COL14A1: variants seen among roughly 807,000 people sequenced by gnomAD.
COL14A1 encodes collagen type XIV alpha 1 chain.
COL14A1 carries 136 observed loss-of-function variants against 230.3 expected under a neutral mutation model. That is an observed-to-expected ratio of 0.59 (90% CI 0.51 to 0.68). The LOEUF (loss-of-function observed/expected upper bound fraction) is 0.68. Among genes scored for constraint, COL14A1 ranks in the 30% least tolerant of loss-of-function variants. The pLI is 0.00. For synonymous variants in COL14A1, 792 were observed against 784.1 expected (o/e 1.01, Z -0.17); for missense variants, 1,976 against 2,215.8 (o/e 0.89, Z 2.17).
At chr8:120,329,946 T>A (rs1821809788) in intron 40 of COL14A1, among the ~76,000 whole-genome samples, 1 of 152,048 alleles carries the variant, frequency 6.6e-6, no homozygotes, top group Non-Finnish European at 1.5e-5. Flanking sequence ...CTCCACACAG[T>A]CATTTAGGAA....
chr8:120,208,106 G>A (rs752356185), intron 10 of COL14A1, 126 bp from the exon 11 acceptor site: 16 of 895,464 alleles, frequency 1.8e-5, no homozygotes, highest in Non-Finnish European at 2.3e-5. Flanking sequence ...CAGTGGAAAG[G>A]GGGATGTGGC....
chr8:120,359,868 T>TTC lies in COL14A1; in HGVS notation c.5078-7288_5078-7287dup, dbSNP rs149854518. Among the ~76,000 whole-genome samples the TTC allele has an allele frequency of 5.3e-4, 80 of 151,514 alleles. 1 individual carries two copies. The Middle Eastern group carries it at 0.017, about 32-fold the overall frequency. On this transcript the variant is annotated intron_variant, in intron 45 of 47. Transcript: ENST00000297848. ...GCACTGATGAGCTTTGCACCTCATC[T>TTC]TCTCTCTCTCTCTCTCCGCCCTTCT... is the stretch of plus-strand genomic sequence containing the variant.
chr8:120,178,468 G>T (rs890442508), intron 5 of COL14A1, among the ~76,000 whole-genome samples: 19 of 152,082 alleles, frequency 1.2e-4, no homozygotes, highest in African/African-American at 4.3e-4. Flanking sequence ...TCTTTATCCA[G>T]TCAATCATTG....
rs553166929 is a variant in COL14A1 at position 120,262,855 on chromosome 8, G to A, written c.2870-13G>A. ...TATGTGTGTGTTTTTGTTTTGTTTT[G>A]TTTTTATTATAGATAGGCAAAAGCA... On this transcript the variant is annotated splice_polypyrimidine_tract_variant and intron_variant, in intron 23 of 47. Coordinates refer to ENST00000297848, the MANE Select transcript of COL14A1 (RefSeq NM_021110.4). 9 of 1,586,094 alleles carry A rather than the reference G, an allele frequency of 5.7e-6. No homozygotes were observed. In the African/African-American group the frequency reaches 1.1e-4, roughly 19 times the overall value.
chr8:120,220,399 G>A (rs866415780), intron 14 of COL14A1, among the ~76,000 whole-genome samples: 2 of 151,194 alleles, frequency 1.3e-5, no homozygotes, highest in Non-Finnish European at 2.9e-5. Context: ...TCAGCCACCC[G>A]AGTAGCTGGG....
intron 23 of COL14A1, among the ~76,000 whole-genome samples, chr8:120,258,724 A>G (rs1819238584): frequency 6.6e-6 from 1 of 152,182 alleles, no homozygotes; most frequent in Non-Finnish European, 1.5e-5. Flanking sequence ...CCATTTGCCA[A>G]ATTAAATGAT....
At chr8:120,243,832 T>TGGAC in intron 19 of COL14A1, 47 bp from the exon 20 acceptor site, 2 of 1,600,346 alleles carry the variant, frequency 1.2e-6, no homozygotes, top group Non-Finnish European at 1.7e-6. Context: ...ACCAAATCAG[T>TGGAC]GGAAACGGGT....
chr8:120,150,826 A>G (rs943179314), intron 2 of COL14A1, among the ~76,000 whole-genome samples: 3 of 152,106 alleles, frequency 2.0e-5, no homozygotes, highest in African/African-American at 4.8e-5. Context: ...GCAGGAGATT[A>G]TATTCGAATT....
At chr8:120,193,767 C>T (rs959475995) in intron 5 of COL14A1, among the ~76,000 whole-genome samples, 1 of 152,212 alleles carries the variant, frequency 6.6e-6, no homozygotes, top group Admixed American at 6.5e-5. Context: ...GTGCCCCTCC[C>T]CCAGCCTCGC....
chr8:120,279,820 C>A, intron 28 of COL14A1, 115 bp from the exon 29 acceptor site: 1 of 1,059,116 alleles, frequency 9.4e-7, no homozygotes, highest in South Asian at 1.8e-5. Flanking sequence ...AATTATCCAC[C>A]CCCATGGGCC....
chr8:120,184,144 A>G (rs939698648), intron 5 of COL14A1, among the ~76,000 whole-genome samples: 1 of 152,044 alleles, frequency 6.6e-6, no homozygotes, highest in African/African-American at 2.4e-5. Context: ...TTTCATAATT[A>G]TTAATATAAA....
Position 120,341,431 on chromosome 8 carries a change from G to A in COL14A1, c.4821+71G>A. ...CCTTCCATTGCATAAGCCTGATAAAGGATCATCATTTAATACCATTAATAT... is the reference window on the plus strand; with the variant it reads ...CCTTCCATTGCATAAGCCTGATAAAAGATCATCATTTAATACCATTAATAT... On this transcript the variant is annotated intron_variant, in intron 43 of 47. Transcript: ENST00000297848. The A allele has an allele frequency of 2.0e-6, 3 of 1,484,722 alleles. No homozygotes were observed. The South Asian group carries it at 3.5e-5, about 17-fold the overall frequency. 92.0% of individuals were successfully genotyped at this position (1,484,722 alleles called of 1,614,324 possible).
At chr8:120,224,237 G>A (rs953804565) in intron 14 of COL14A1, among the ~76,000 whole-genome samples, 2 of 151,890 alleles carry the variant, frequency 1.3e-5, no homozygotes, top group Non-Finnish European at 2.9e-5. Flanking sequence ...ATGTTGGCCA[G>A]GCTGGTCTTG....
intron 36 of COL14A1, among the ~76,000 whole-genome samples, chr8:120,305,612 A>G (rs1225009744): frequency 6.6e-6 from 1 of 152,162 alleles, no homozygotes. Context: ...TTCATAGTCT[A>G]GTCCATTCTG....
chr8:120,235,305 G>A (rs564710001), intron 19 of COL14A1, among the ~76,000 whole-genome samples: 1 of 152,178 alleles, frequency 6.6e-6, no homozygotes, highest in South Asian at 2.1e-4. Context: ...GAGTTGCTGG[G>A]ACTACAGGCA....
rs376624185 is a variant in COL14A1 at position 120,209,815 on chromosome 8, G to C, written c.1381G>C (p.Val461Leu). Residue 461 changes from valine to leucine, a missense_variant, in exon 12 of 48, where the codon GTC becomes CTC. Val to Leu is a conservative substitution (Grantham distance 32). Around this residue, in one of 3 missense-constraint regions of COL14A1, gnomAD observed 1,791 missense variants for 2,019.5 expected, o/e 0.89. Transcript: ENST00000297848. ...LYDVTENSMR[V>L]KWDAVPGASG... ...CGACGTGACTGAGAACAGCATGCGA[G>C]TCAAATGGGATGCAGTGCCTGGGGC... 7 of 1,613,906 alleles carry C rather than the reference G, an allele frequency of 4.3e-6. No individual in the cohort carries two copies. Among genetic ancestry groups the C allele is most frequent in the Non-Finnish European group, 5.9e-6 (7 of 1,179,908 alleles).
chr8:120,243,939 T>C lies in COL14A1; in HGVS notation c.2410T>C (p.Tyr804His). The C allele has an allele frequency of 6.2e-7, 1 of 1,613,586 alleles. No individual in the cohort carries two copies. The highest frequency in any genetic ancestry group is 8.5e-7 in the Non-Finnish European group (1 of 1,179,742). ...GAAGCCTCTGCTTCCTGATACTGAA[T>C]ACAAAGTCACAGTGACTCCCATCTA... The part of the protein sequence containing the change: ...LLKPLLPDTE[Y>H]KVTVTPIYTD... Residue 804 changes from tyrosine (Y) to histidine (H), a missense_variant, in exon 20 of 48, where the codon TAC becomes CAC. Transcript: ENST00000297848.
chr8:120,331,086 C>G (rs1450448096), intron 40 of COL14A1, among the ~76,000 whole-genome samples: 3 of 85,684 alleles, frequency 3.5e-5, no homozygotes, highest in Non-Finnish European at 6.5e-5. Context: ...GCCTGGGCAA[C>G]AAGAGCAAAA....
chr8:120,318,443 T>G (rs1821314615), intron 40 of COL14A1, among the ~76,000 whole-genome samples: 1 of 152,062 alleles, frequency 6.6e-6, no homozygotes, highest in Non-Finnish European at 1.5e-5. Context: ...AAACGGCTAT[T>G]TAGGTGGCTC....
Sources: allele counts gnomAD v4.1 joint callset (sites outside exome capture counted in the v4.1 genomes callset), GRCh38; gene constraint gnomAD v4.1.1; regional missense constraint gnomAD v4.1.1; transcripts MANE v1.5; gene names NCBI Gene and HGNC (gene_info 2026-07-23, HGNC 2026-07-21).